GSTCD: variants seen among roughly 807,000 people sequenced by gnomAD.
GSTCD encodes glutathione S-transferase C-terminal domain-containing protein.
A neutral mutation model predicts 68.3 loss-of-function variants in GSTCD; 44 were observed. The ratio of observed to expected loss-of-function variants is 0.64; its 90% CI spans 0.51 to 0.83. The LOEUF (loss-of-function observed/expected upper bound fraction) is 0.83. Ranked by LOEUF, GSTCD falls within the 40% of genes least tolerant of loss-of-function variation. The pLI, the probability that GSTCD is intolerant of heterozygous loss-of-function variation, is 0.00. For missense variants in GSTCD, 739 were observed against 735.9 expected, an observed-to-expected ratio of 1.00 and a Z score of -0.05; for synonymous variants, 273 against 255.2, an observed-to-expected ratio of 1.07 and a Z score of -0.67.
chr4:105,791,271 T>C (rs929988926), intron 5 of GSTCD, among the ~76,000 whole-genome samples: 1 of 151,274 alleles, frequency 6.6e-6, no homozygotes. Context: ...TGGGCGCCTG[T>C]AGTCCCAGCT....
chr4:105,735,079 A>C (rs139545031), intron 5 of GSTCD, among the ~76,000 whole-genome samples: 1 of 152,142 alleles, frequency 6.6e-6, no homozygotes, highest in African/African-American at 2.4e-5. Context: ...GTTAGGTGTC[A>C]TTCTGCCCCT....
chr4:105,832,744 A>G (rs1384129687), intron 8 of GSTCD, among the ~76,000 whole-genome samples: 1 of 152,194 alleles, frequency 6.6e-6, no homozygotes, highest in East Asian at 1.9e-4. Context: ...AGCACAGCAT[A>G]GTGCCAGCAC....
intron 5 of GSTCD, among the ~76,000 whole-genome samples, chr4:105,738,292 C>T (rs1733524931): frequency 2.0e-5 from 3 of 152,148 alleles, no homozygotes; most frequent in Non-Finnish European, 4.4e-5. Context: ...GTTATTATAA[C>T]TTTGCAGTAT....
intron 5 of GSTCD, among the ~76,000 whole-genome samples, chr4:105,767,876 GTCTT>G (rs1176792966): frequency 1.3e-5 from 2 of 151,812 alleles, no homozygotes; most frequent in Non-Finnish European, 2.9e-5. Flanking sequence ...GGGAGGGTCA[GTCTT>G]TCAAAAAACA....
intron 5 of GSTCD, among the ~76,000 whole-genome samples, chr4:105,787,138 T>G (rs1735497049): frequency 6.6e-6 from 1 of 152,132 alleles, no homozygotes; most frequent in Non-Finnish European, 1.5e-5. Flanking sequence ...ATATTTTTTT[T>G]ACTGATAAGT....
intron 8 of GSTCD, among the ~76,000 whole-genome samples, chr4:105,829,232 G>A (rs1578518042): frequency 1.4e-5 from 2 of 145,892 alleles, no homozygotes; most frequent in African/African-American, 2.5e-5. Context: ...CAGGCTTTTT[G>A]ATCACCCAAT....
intron 5 of GSTCD, among the ~76,000 whole-genome samples, chr4:105,756,048 T>G (rs1734176315): frequency 6.6e-6 from 1 of 152,170 alleles, no homozygotes; most frequent in East Asian, 1.9e-4. Flanking sequence ...GAATTACATT[T>G]ACTGGTTTAT....
At chr4:105,776,674 C>A (rs1422639007) in intron 5 of GSTCD, among the ~76,000 whole-genome samples, 4 of 152,148 alleles carry the variant, frequency 2.6e-5, no homozygotes, top group African/African-American at 9.7e-5. Context: ...TACCCACTGT[C>A]TAACCAGTCC....
chr4:105,812,409 C>T, intron 5 of GSTCD, among the ~76,000 whole-genome samples: 1 of 151,672 alleles, frequency 6.6e-6, no homozygotes, highest in Non-Finnish European at 1.5e-5. Context: ...CTGTGTTGAC[C>T]AGGCTGGTCT....
chr4:105,735,730 G>A (rs374589629), intron 5 of GSTCD, among the ~76,000 whole-genome samples: 2 of 152,074 alleles, frequency 1.3e-5, no homozygotes, highest in South Asian at 4.1e-4. Flanking sequence ...CGGTACATCA[G>A]TTGGAAATGC....
intron 5 of GSTCD, among the ~76,000 whole-genome samples, chr4:105,747,838 C>T (rs765388251): frequency 6.6e-6 from 1 of 151,558 alleles, no homozygotes; most frequent in East Asian, 1.9e-4. Flanking sequence ...AAAACTAGCA[C>T]GTTTGTTTTC....
At position 105,751,497 on chromosome 4, in the gene GSTCD, C is replaced by G. The variant is rs1033408933; in HGVS notation, c.1240+21998C>G. Among the ~76,000 whole-genome samples the G allele has an allele frequency of 2.6e-5, 4 of 152,088 alleles. No individual in the cohort carries two copies. The East Asian group carries it at 7.7e-4, about 29-fold the overall frequency. On this transcript the variant is annotated intron_variant, in intron 5 of 11. Transcript: ENST00000515279. ...TACACAGATAAACATTGACTTTCAC[C>G]TTTGACAGACAGTCAGACTTCACAG...
intron 7 of GSTCD, among the ~76,000 whole-genome samples, chr4:105,825,122 TGG>T (rs1723528784): frequency 6.6e-6 from 1 of 150,640 alleles, no homozygotes; most frequent in African/African-American, 2.5e-5. Context: ...GTTGGTTGGT[TGG>T]TTGGTTGGTT....
chr4:105,774,405 G>A (rs977340672), intron 5 of GSTCD, among the ~76,000 whole-genome samples: 5 of 152,260 alleles, frequency 3.3e-5, no homozygotes, highest in African/African-American at 7.2e-5. Flanking sequence ...GATGCAAGCC[G>A]GTTATTTTGC....
chr4:105,817,441 T>G (rs1238487605), intron 5 of GSTCD, among the ~76,000 whole-genome samples: 1 of 151,892 alleles, frequency 6.6e-6, no homozygotes. Flanking sequence ...GCCATCACAC[T>G]GTTAAGCTGT....
At chr4:105,740,722 C>G (rs1733605401) in intron 5 of GSTCD, among the ~76,000 whole-genome samples, 1 of 152,046 alleles carries the variant, frequency 6.6e-6, no homozygotes, top group Non-Finnish European at 1.5e-5. Flanking sequence ...GGGAATATAG[C>G]TTTTGAAGGT....
intron 5 of GSTCD, among the ~76,000 whole-genome samples, chr4:105,731,315 C>T (rs138384630): frequency 6.6e-6 from 1 of 152,072 alleles, no homozygotes; most frequent in African/African-American, 2.4e-5. Context: ...TATAAATTAC[C>T]TTGGGCAGTA....
intron 2 of GSTCD, 116 bp from the exon 3 acceptor site, chr4:105,718,944 C>A (rs1376403287): frequency 2.7e-6 from 2 of 748,466 alleles, no homozygotes; most frequent in Non-Finnish European, 4.4e-6. Flanking sequence ...AACATAAAAG[C>A]CTAGCCCAGG....
At chr4:105,750,189 C>T (rs548403277) in intron 5 of GSTCD, among the ~76,000 whole-genome samples, 4 of 152,190 alleles carry the variant, frequency 2.6e-5, no homozygotes, top group South Asian at 2.1e-4. Flanking sequence ...TGAGGCCGGG[C>T]GTGGTGGCTC....
Sources: allele counts gnomAD v4.1 joint callset (sites outside exome capture counted in the v4.1 genomes callset), GRCh38; gene constraint gnomAD v4.1.1; transcripts MANE v1.5; gene names NCBI Gene and HGNC (gene_info 2026-07-23, HGNC 2026-07-21).